The following TRIM9 variants were observed in gnomAD, a reference collection of about 807,000 sequenced individuals.
The protein encoded by TRIM9 is tripartite motif containing 9, also known as E3 ubiquitin-protein ligase TRIM9.
In TRIM9, 26 loss-of-function variants were observed where a neutral mutation model predicts 78.3. The ratio of observed to expected loss-of-function variants is 0.33; its 90% CI spans 0.24 to 0.46. The LOEUF is 0.46. Ranked by LOEUF, TRIM9 falls within the 20% of genes least tolerant of loss-of-function variation. The pLI, the probability that TRIM9 is intolerant of heterozygous loss-of-function variation, is 1.00. For missense variants in TRIM9, 787 were observed against 1,036.4 expected (o/e 0.76, Z 3.30); for synonymous variants, 398 against 416.5 (o/e 0.96, Z 0.54).
At chr14:51,074,455 C>T (rs2062576649) in intron 1 of TRIM9, among the ~76,000 whole-genome samples, 1 of 152,152 alleles carries the variant, frequency 6.6e-6, no homozygotes, top group Admixed American at 6.5e-5. Context: ...CCAGGCCAGG[C>T]TTACATCGCA....
intron 5 of TRIM9, among the ~76,000 whole-genome samples, chr14:51,004,286 G>A (rs2055469575): frequency 3.3e-5 from 5 of 152,204 alleles, no homozygotes; most frequent in Admixed American, 1.3e-4. Flanking sequence ...CAAGGGGGAA[G>A]CTATTCTCAC....
At chr14:51,056,410 T>TA (rs746972481) in intron 1 of TRIM9, among the ~76,000 whole-genome samples, 10 of 152,200 alleles carry the variant, frequency 6.6e-5, no homozygotes. Flanking sequence ...GGTGAATTTC[T>TA]AAAAACAAAA....
intron 12 of TRIM9, 78 bp from the exon 13 acceptor site, chr14:50,977,431 C>T: frequency 8.7e-7 from 1 of 1,148,554 alleles, no homozygotes. Flanking sequence ...TGGGTGTGTC[C>T]CTAACTCAAA....
At chr14:51,011,034 G>A (rs1166101896) in intron 3 of TRIM9, among the ~76,000 whole-genome samples, 1 of 152,158 alleles carries the variant, frequency 6.6e-6, no homozygotes, top group Non-Finnish European at 1.5e-5. Context: ...GTGGATGGTG[G>A]GGGACCTGGA....
intron 1 of TRIM9, among the ~76,000 whole-genome samples, chr14:51,071,400 A>G (rs2062244167): frequency 6.6e-6 from 1 of 151,306 alleles, no homozygotes; most frequent in South Asian, 2.1e-4. Flanking sequence ...AAAAAAAAAA[A>G]AAAGACAAGA....
chr14:51,024,709 T>C (rs1297788337), intron 2 of TRIM9, among the ~76,000 whole-genome samples: 1 of 152,054 alleles, frequency 6.6e-6, no homozygotes, highest in East Asian at 1.9e-4. Context: ...TGAAAAATAT[T>C]TAAATGTCTA....
intron 10 of TRIM9, chr14:50,982,577 T>C: frequency 6.1e-6 from 2 of 328,392 alleles, no homozygotes. Context: ...ATCTAGTCGC[T>C]TTGAAGTCTT....
intron 1 of TRIM9, among the ~76,000 whole-genome samples, chr14:51,032,904 CGTCTT>C (rs2058852015): frequency 6.6e-6 from 1 of 152,112 alleles, no homozygotes; most frequent in Admixed American, 6.5e-5. Context: ...TTCCTTTGAG[CGTCTT>C]GTCAGCACTC....
intron 1 of TRIM9, among the ~76,000 whole-genome samples, chr14:51,047,461 G>A (rs530489003): frequency 3.3e-5 from 5 of 152,154 alleles, no homozygotes; most frequent in African/African-American, 4.8e-5. Flanking sequence ...AAAACCATTC[G>A]GTGCAATGAG....
rs1041422253 is a variant in TRIM9 at position 51,094,615 on chromosome 14, G to T, written c.325C>A (p.Pro109Thr). 6.2e-7 allele frequency: 1 copy of T among 1,609,108 alleles called. No homozygotes were observed. The change falls in exon 1 of 13, where the codon CCG becomes ACG. Residue 109 changes from proline to threonine, a missense_variant. By Grantham distance (38) the Pro-to-Thr change is conservative (BLOSUM62 -1). Around this residue, in one of 3 missense-constraint regions of TRIM9, gnomAD observed 352 missense variants for 472.3 expected, o/e 0.75. Transcript: ENST00000684578. Reference protein sequence around the residue: ...VRVFPPAMPPPATHLSPALAP... With the variant: ...VRVFPPAMPPTATHLSPALAP... Reference sequence around the variant, plus strand: ...AGGGCCGGTGACAAGTGGGTGGCCGGTGGCGGCATAGCCGGGGGAAACACG... The same window carrying T: ...AGGGCCGGTGACAAGTGGGTGGCCGTTGGCGGCATAGCCGGGGGAAACACG...
At position 51,059,977 on chromosome 14, in the gene TRIM9, T is replaced by C. The variant is rs149716360; in HGVS notation, c.822+34141A>G. Among the ~76,000 whole-genome samples the C allele has an allele frequency of 6.6e-3, 1,006 of 152,226 alleles. 11 individuals carry two copies. The highest frequency in any genetic ancestry group is 0.023 in the African/African-American group (951 of 41,534). The stretch of plus-strand genomic sequence containing the variant: ...CATTAAATGGAAAATATGATACAAA[T>C]TGTTTCTTAAAAAAGTGTTTTATCC... On this transcript the variant is annotated intron_variant, in intron 1 of 12. Transcript: ENST00000684578.
intron 1 of TRIM9, among the ~76,000 whole-genome samples, chr14:51,041,839 C>T (rs137995954): frequency 5.2e-4 from 79 of 152,212 alleles, no homozygotes; most frequent in African/African-American, 1.7e-3. Context: ...AACATGTTTT[C>T]CCAATAACAT....
In TRIM9 at chr14:51,022,972, A is replaced by G; in HGVS notation, c.919-15T>C. The G allele has an allele frequency of 6.2e-7, 1 of 1,613,406 alleles. No individual in the cohort carries two copies. Among genetic ancestry groups the G allele is most frequent in the Non-Finnish European group, 8.5e-7 (1 of 1,179,884 alleles). On this transcript the variant is annotated splice_polypyrimidine_tract_variant and intron_variant, in intron 2 of 12. Coordinates refer to ENST00000684578, the MANE Select transcript of TRIM9 (RefSeq NM_001387360.1). ...ACACTGTTCTCCTGTGTAACAGAGC[A>G]CATTTCTCAACTGCAAGCTGCTGGG...
chr14:51,036,041 A>G (rs2059118670), intron 1 of TRIM9, among the ~76,000 whole-genome samples: 1 of 152,218 alleles, frequency 6.6e-6, no homozygotes, highest in African/African-American at 2.4e-5. Context: ...TCTAGGTAAA[A>G]GCCACAGAGA....
chr14:51,001,155 C>T (rs998879665), intron 5 of TRIM9, among the ~76,000 whole-genome samples: 2 of 152,002 alleles, frequency 1.3e-5, no homozygotes, highest in Non-Finnish European at 2.9e-5. Flanking sequence ...AAATGTTTTA[C>T]ATGGAGGCTG....
intron 6 of TRIM9, among the ~76,000 whole-genome samples, chr14:51,000,331 C>G (rs2054808545): frequency 6.6e-6 from 1 of 152,318 alleles, no homozygotes; most frequent in South Asian, 2.1e-4. Flanking sequence ...GCATGAGATT[C>G]ACGCTATTGT....
At chr14:51,037,557 C>G (rs2059256299) in intron 1 of TRIM9, among the ~76,000 whole-genome samples, 1 of 151,982 alleles carries the variant, frequency 6.6e-6, no homozygotes, top group African/African-American at 2.4e-5. Flanking sequence ...TCCAGGATGG[C>G]TCTGGTGGAC....
At chr14:50,980,033 G>A (rs2051644466) in intron 11 of TRIM9, among the ~76,000 whole-genome samples, 1 of 152,224 alleles carries the variant, frequency 6.6e-6, no homozygotes, top group South Asian at 2.1e-4. Flanking sequence ...TAATTTGAAA[G>A]TCAAAATAAG....
intron 1 of TRIM9, among the ~76,000 whole-genome samples, chr14:51,050,428 C>A (rs1566616269): frequency 6.6e-6 from 1 of 152,222 alleles, no homozygotes; most frequent in Non-Finnish European, 1.5e-5. Flanking sequence ...ATGCCTTTCG[C>A]CTTCCACCAT....
Sources: allele counts gnomAD v4.1 joint callset (sites outside exome capture counted in the v4.1 genomes callset), GRCh38; gene constraint gnomAD v4.1.1; regional missense constraint gnomAD v4.1.1; transcripts MANE v1.5; gene names NCBI Gene and HGNC (gene_info 2026-07-23, HGNC 2026-07-21).